TRIB3: variants seen among roughly 807,000 people sequenced by gnomAD.
The protein encoded by TRIB3 is tribbles homolog 3.
Under a neutral mutation model 16.6 loss-of-function variants are expected in TRIB3, and 20 were observed. The ratio of observed to expected loss-of-function variants is 1.20; its 90% confidence interval spans 0.85 to 1.75. The LOEUF (loss-of-function observed/expected upper bound fraction) is 1.75, where lower values mean the gene tolerates loss of function less well. Ranked by LOEUF, TRIB3 falls within the 40% of genes most tolerant of loss-of-function variation. The pLI, the probability that TRIB3 is intolerant of heterozygous loss-of-function variation, is 0.00. For missense variants in TRIB3, 484 were observed against 488.9 expected (o/e 0.99, Z 0.10); for synonymous variants, 208 against 217.0 (o/e 0.96, Z 0.36).
rs555709873 is a variant in TRIB3 at position 395,957 on chromosome 20, A to G, written c.585-241A>G. ...CCCCCTCCCCAAGGGACTCTGTTGA[A>G]AAATGTATTCCTTTCAGAATTTTAG... is the stretch of plus-strand genomic sequence containing the variant. On this transcript the variant is annotated intron_variant, in intron 3 of 3. Coordinates refer to ENST00000217233, the MANE Select transcript of TRIB3 (RefSeq NM_021158.5). Among the ~76,000 whole-genome samples, 10 of 152,324 alleles carry G rather than the reference A, an allele frequency of 6.6e-5. No homozygotes were observed. In the South Asian group the frequency reaches 1.7e-3, roughly 25 times the overall value.
At chr20:385,591 T>G (rs2014782981) in intron 1 of TRIB3, 1 of 152,080 alleles carries the variant, frequency 6.6e-6, no homozygotes, top group South Asian at 2.1e-4. Flanking sequence ...TCAGACCTTC[T>G]GAATGAGCTA....
chr20:387,931 C>A lies in TRIB3; in HGVS notation c.1-80C>A, dbSNP rs376695994. ...CAGATCACCCCCTATAAATGTTGTGCCACGTATCCTCCCACCAGCAGGGGA... is the reference window on the plus strand; with the variant it reads ...CAGATCACCCCCTATAAATGTTGTGACACGTATCCTCCCACCAGCAGGGGA... On this transcript the variant is annotated intron_variant, in intron 1 of 3. Coordinates refer to ENST00000217233, the MANE Select transcript of TRIB3 (RefSeq NM_021158.5). 3.9e-5 allele frequency: 59 copies of A among 1,503,696 alleles called. No individual in the cohort carries two copies. The East Asian group carries it at 1.1e-3, about 28-fold the overall frequency. 93.1% of individuals were successfully genotyped at this position (1,503,696 alleles called of 1,614,324 possible).
chr20:389,671 A>G lies in TRIB3; in HGVS notation c.291+1370A>G, dbSNP rs145712290. ...AGGCTCTTTTCCACTCCCGCTGGGGAGGTGAGTCCATGATAAGAGGAATAA... is the reference window on the plus strand; with the variant it reads ...AGGCTCTTTTCCACTCCCGCTGGGGGGGTGAGTCCATGATAAGAGGAATAA... On this transcript the variant is annotated intron_variant, in intron 2 of 3. Transcript: ENST00000217233. Among the ~76,000 whole-genome samples, 149 of 152,146 alleles carry G rather than the reference A, an allele frequency of 9.8e-4. 3 individuals carry two copies. In the East Asian group the frequency reaches 0.025, roughly 25 times the overall value.
At chr20:386,569 C>A (rs371652691) in intron 1 of TRIB3, among the ~76,000 whole-genome samples, 1 of 151,286 alleles carries the variant, frequency 6.6e-6, no homozygotes, top group Non-Finnish European at 1.5e-5. Context: ...CCACCACGCC[C>A]GGCTAATTTT....
At position 388,091 on chromosome 20, in the gene TRIB3, C is replaced by T. The variant is rs56092421; in HGVS notation, c.81C>T (p.Thr27=). The change falls in exon 2 of 4, where the codon ACC becomes ACT. Residue 27 remains threonine, a synonymous_variant. Coordinates refer to ENST00000217233, the MANE Select transcript of TRIB3 (RefSeq NM_021158.5). ...KRLELDDNLD[T]ERPVQKRARS... ...TGGAGTTGGATGACAACTTAGATAC[C>T]GAGCGTCCCGTCCAGAAACGAGCTC... 4.3e-3 allele frequency: 6,918 copies of T among 1,614,090 alleles called. 33 individuals are homozygous for T. The highest frequency in any genetic ancestry group is 4.9e-3 in the Non-Finnish European group (5,836 of 1,180,028).
In TRIB3 at chr20:396,846, TGTTCCACACACATGCA is replaced by T; in HGVS notation, c.*162_*177del. The T allele has an allele frequency of 8.7e-7, 1 of 1,154,458 alleles. No individual in the cohort carries two copies. Among genetic ancestry groups the T allele is most frequent in the Non-Finnish European group, 1.2e-6 (1 of 837,960 alleles). The allele number at this position is 1,154,458 out of a possible 1,614,324, so 71.5% of individuals were successfully genotyped here. On this transcript the variant is annotated 3_prime_UTR_variant, in exon 4 of 4. Transcript: ENST00000217233. ...GAGTGTGCTGTGTACACATCTGCTT[TGTTCCACACACATGCA>T]GTTCCTGCTTGGGTGCTTATCAGGT...
intron 2 of TRIB3, among the ~76,000 whole-genome samples, chr20:388,660 T>C (rs896555430): frequency 2.6e-5 from 4 of 151,926 alleles, no homozygotes; most frequent in Non-Finnish European, 5.9e-5. Flanking sequence ...GGGATAGCAC[T>C]TTAGAGAATG....
At chr20:388,383 GGGTCC>G in intron 2 of TRIB3, 82 bp downstream of exon 2, 1 of 1,452,758 alleles carries the variant, frequency 6.9e-7, no homozygotes, top group Non-Finnish European at 9.2e-7. Context: ...GGGTGCAGAG[GGGTCC>G]TTATGTTCAT....
At chr20:383,562 C>A (rs554943272) in intron 1 of TRIB3, among the ~76,000 whole-genome samples, 1 of 152,292 alleles carries the variant, frequency 6.6e-6, no homozygotes, top group South Asian at 2.1e-4. Context: ...CCTACTTCAA[C>A]CTCCTGCATG....
rs1600253468 is a variant in TRIB3, at chr20:391,395, T to C, written c.400T>C (p.Tyr134His). 6.2e-7 allele frequency: 1 copy of C among 1,613,814 alleles called. No individual in the cohort carries two copies. The highest frequency in any genetic ancestry group is 2.2e-5 in the East Asian group (1 of 44,888). ...TEVLAGTQLL[Y>H]AFFTRTHGDM... ...GGTCCTGGCTGGTACCCAGCTCCTC[T>C]ACGCCTTTTTCACTCGGACCCATGG... Residue 134 changes from tyrosine to histidine, a missense_variant, in exon 3 of 4, where the codon TAC becomes CAC. Tyr to His is a moderately conservative substitution (Grantham distance 83, BLOSUM62 2). Transcript: ENST00000217233.
At chr20:384,426 AGATCT>A (rs1568532161) in intron 1 of TRIB3, among the ~76,000 whole-genome samples, 1 of 151,914 alleles carries the variant, frequency 6.6e-6, no homozygotes, top group African/African-American at 2.4e-5. Context: ...TGCAGTGGCG[AGATCT>A]CAGCTCACTA....
At chr20:393,393 G>A (rs1453417009) in intron 3 of TRIB3, among the ~76,000 whole-genome samples, 2 of 151,742 alleles carry the variant, frequency 1.3e-5, no homozygotes, top group Non-Finnish European at 2.9e-5. Flanking sequence ...GTGCAGTGGT[G>A]TGATCACAGC....
intron 1 of TRIB3, among the ~76,000 whole-genome samples, chr20:383,570 A>G (rs2122659033): frequency 6.6e-6 from 1 of 152,198 alleles, no homozygotes; most frequent in African/African-American, 2.4e-5. Flanking sequence ...AACCTCCTGC[A>G]TGGCTGGGAC....
chr20:386,840 C>T (rs141890196), intron 1 of TRIB3, among the ~76,000 whole-genome samples: 15 of 151,358 alleles, frequency 9.9e-5, no homozygotes, highest in African/African-American at 1.7e-4. Context: ...AAAGTGCTGC[C>T]GTGGGCTGCA....
chr20:392,061 C>G (rs1263049273), intron 3 of TRIB3, among the ~76,000 whole-genome samples: 1 of 151,994 alleles, frequency 6.6e-6, no homozygotes, highest in Non-Finnish European at 1.5e-5. Context: ...TCTTGGGAGC[C>G]CCTTGGGATT....
intron 1 of TRIB3, among the ~76,000 whole-genome samples, chr20:386,728 A>G (rs1363829338): frequency 6.6e-6 from 1 of 152,074 alleles, no homozygotes; most frequent in Non-Finnish European, 1.5e-5. Flanking sequence ...CCACGCCACC[A>G]CGCCTGGCTA....
intron 1 of TRIB3, among the ~76,000 whole-genome samples, chr20:384,584 G>T (rs1438641456): frequency 6.6e-6 from 1 of 152,044 alleles, no homozygotes; most frequent in Admixed American, 6.6e-5. Context: ...AGATGGTCTC[G>T]ATCTCCTGAC....
At chr20:385,823 G>C (rs2014789018) in intron 1 of TRIB3, 1 of 151,180 alleles carries the variant, frequency 6.6e-6, no homozygotes. Context: ...AGAGGCCCAT[G>C]CTTCTCTGTA....
chr20:388,456 T>C (rs1190759558), intron 2 of TRIB3, among the ~76,000 whole-genome samples, 155 bp downstream of exon 2: 3 of 152,166 alleles, frequency 2.0e-5, no homozygotes, highest in South Asian at 2.1e-4. Flanking sequence ...GGACTGATAC[T>C]AGAGAGGTAA....
Sources: allele counts gnomAD v4.1 joint callset (sites outside exome capture counted in the v4.1 genomes callset), GRCh38; gene constraint gnomAD v4.1.1; transcripts MANE v1.5; gene names NCBI Gene and HGNC (gene_info 2026-07-23, HGNC 2026-07-21).